Variants in INPP5D observed in about 807,000 individuals in gnomAD.
The protein encoded by INPP5D is inositol polyphosphate-5-phosphatase D, also known as phosphatidylinositol 3,4,5-trisphosphate 5-phosphatase 1.
INPP5D carries 33 observed loss-of-function variants against 122.9 expected under a neutral mutation model. That is an observed-to-expected ratio of 0.27 (90% CI 0.20 to 0.36). INPP5D has a LOEUF of 0.36. Among genes scored for constraint, INPP5D ranks in the 10% least tolerant of loss-of-function variants. INPP5D has a pLI of 1.00. For missense variants in INPP5D, 1,053 were observed against 1,412.7 expected (o/e 0.75, Z 4.08); for synonymous variants, 584 against 576.2 (o/e 1.01, Z -0.19).
chr2:233,152,421 C>G (rs986091240), intron 9 of INPP5D, among the ~76,000 whole-genome samples: 2 of 152,132 alleles, frequency 1.3e-5, no homozygotes, highest in Non-Finnish European at 2.9e-5. Context: ...TATGCAGGTA[C>G]CAGGCTTTGG....
chr2:233,062,003 C>T (rs1158407237), intron 1 of INPP5D, among the ~76,000 whole-genome samples: 4 of 152,258 alleles, frequency 2.6e-5, no homozygotes, highest in Non-Finnish European at 4.4e-5. Flanking sequence ...TTTCCTGTGT[C>T]CCCTCTCTCA....
intron 2 of INPP5D, among the ~76,000 whole-genome samples, chr2:233,087,294 G>A (rs1691878059): frequency 1.3e-5 from 2 of 151,972 alleles, no homozygotes; most frequent in South Asian, 4.1e-4. Flanking sequence ...TGTGGCACTT[G>A]TGACTACCTG....
At position 233,206,614 on chromosome 2, in the gene INPP5D, C is replaced by A. The variant is rs1270780103; in HGVS notation, c.3568-92C>A. The A allele has an allele frequency of 1.4e-6, 1 of 713,238 alleles. No homozygotes were observed. The highest frequency in any genetic ancestry group is 1.7e-5 in the African/African-American group (1 of 57,352). 44.2% of individuals were successfully genotyped at this position (713,238 alleles called of 1,614,324 possible). The stretch of plus-strand genomic sequence containing the variant: ...CAGCTACACGTTAAAGGAAGCCTGG[C>A]CTAGCCCACAGCATGCAGGGACCTG... On this transcript the variant is annotated intron_variant, in intron 26 of 26. Coordinates refer to ENST00000445964, the MANE Select transcript of INPP5D (RefSeq NM_001017915.3). This position sits in a 1 kb window ranked among gnomAD's most constrained non-coding sequence, Gnocchi z 4.0.
intron 5 of INPP5D, among the ~76,000 whole-genome samples, chr2:233,138,827 G>C (rs1693566923): frequency 6.6e-6 from 1 of 151,874 alleles, no homozygotes; most frequent in African/African-American, 2.4e-5. Flanking sequence ...CTCACTGCAA[G>C]CTCTGTCTCC....
intron 5 of INPP5D, among the ~76,000 whole-genome samples, chr2:233,136,062 G>A (rs1693457000): frequency 6.6e-6 from 1 of 152,164 alleles, no homozygotes; most frequent in South Asian, 2.1e-4. Flanking sequence ...TAATACATGG[G>A]GTAGGTGTGG....
At chr2:233,095,494 G>A in intron 2 of INPP5D, among the ~76,000 whole-genome samples, 1 of 151,836 alleles carries the variant, frequency 6.6e-6, no homozygotes, top group East Asian at 1.9e-4. Flanking sequence ...GTGGTGGTGG[G>A]CACCTGTAAT....
intron 2 of INPP5D, among the ~76,000 whole-genome samples, chr2:233,103,640 C>A (rs1692379154): frequency 6.6e-6 from 1 of 151,938 alleles, no homozygotes; most frequent in Admixed American, 6.6e-5. Context: ...CCTTCTGTAT[C>A]CTGGCTGCCT....
chr2:233,065,866 C>A (rs569587978), intron 1 of INPP5D, among the ~76,000 whole-genome samples: 60 of 151,732 alleles, frequency 4.0e-4, no homozygotes, highest in African/African-American at 1.3e-3. Context: ...AGGCTGGTCT[C>A]AAACTCCTGA....
Position 233,184,484 on chromosome 2 carries a change from C to G in INPP5D, c.2238C>G (p.Thr746=). ...CYATLKTKSQ[T]KFYLEFHSSC... is the part of the protein sequence containing the mutation. ...CCACATTGAAGACCAAGTCCCAGAC[C>G]AAATTCTACCTGGAGTTCCACTCGA... Residue 746 remains threonine (T), a synonymous_variant, in exon 20 of 27, where the codon ACC becomes ACG. Coordinates refer to ENST00000445964, the MANE Select transcript of INPP5D (RefSeq NM_001017915.3). The G allele has an allele frequency of 6.2e-7, 1 of 1,614,022 alleles. No individual in the cohort carries two copies. The highest frequency in any genetic ancestry group is 8.5e-7 in the Non-Finnish European group (1 of 1,179,896).
chr2:233,070,332 A>G (rs780699208), intron 1 of INPP5D, among the ~76,000 whole-genome samples: 2 of 151,952 alleles, frequency 1.3e-5, no homozygotes, highest in Non-Finnish European at 2.9e-5. Flanking sequence ...TCGCTTTTCA[A>G]TGCAGAGAAT....
chr2:233,090,555 A>G (rs755534946), intron 2 of INPP5D, among the ~76,000 whole-genome samples: 5 of 152,218 alleles, frequency 3.3e-5, no homozygotes, highest in Non-Finnish European at 5.9e-5. Context: ...ATATGCTATG[A>G]AGACCCTAAA....
chr2:233,065,010 C>T (rs4075306), intron 1 of INPP5D, among the ~76,000 whole-genome samples: 1 of 152,088 alleles, frequency 6.6e-6, no homozygotes, highest in African/African-American at 2.4e-5. Context: ...ACCAGAAAGC[C>T]GGCCAAGGGG....
chr2:233,081,137 T>G (rs945309876), intron 2 of INPP5D, among the ~76,000 whole-genome samples: 1 of 152,220 alleles, frequency 6.6e-6, no homozygotes, highest in Non-Finnish European at 1.5e-5. Flanking sequence ...GCACACCTAG[T>G]ACGAGAAGGT....
Position 233,122,200 on chromosome 2 carries a change from C to T in INPP5D, c.292C>T (p.Gln98Ter). 6.2e-7 allele frequency: 1 copy of T among 1,613,946 alleles called. No homozygotes were observed. The highest frequency in any genetic ancestry group is 8.5e-7 in the Non-Finnish European group (1 of 1,179,872). The part of the protein sequence containing the change: ...KENMGLVTHL[Q>*]YPVPLEEEDT... ...AAACATGGGGCTGGTGACCCATCTG[C>T]AATACCCTGTGCCGCTGGAGGAAGA... The change falls in exon 3 of 27, where the codon CAA becomes TAA. Residue 98 changes from glutamine to a stop codon, truncating the protein, a stop_gained. Transcript: ENST00000445964. LOFTEE classifies it high-confidence loss of function.
intron 9 of INPP5D, among the ~76,000 whole-genome samples, chr2:233,151,309 A>G (rs966278386): frequency 5.3e-5 from 6 of 112,508 alleles, no homozygotes; most frequent in African/African-American, 2.3e-4. Context: ...TCCATCTCTA[A>G]AAATTAATAA....
At chr2:233,134,308 G>A (rs1029088795) in intron 5 of INPP5D, 1 of 287,120 alleles carries the variant, frequency 3.5e-6, no homozygotes, top group Non-Finnish European at 7.0e-6. Flanking sequence ...GGATGCATAT[G>A]GGGAATCACT....
At chr2:233,073,674 C>CAAA in intron 1 of INPP5D, among the ~76,000 whole-genome samples, 1 of 144,216 alleles carries the variant, frequency 6.9e-6, no homozygotes, top group Non-Finnish European at 1.5e-5. Flanking sequence ...AAATCTCTGT[C>CAAA]TTTTCAGGAA....
At chr2:233,205,443 C>T (rs546549998) in intron 26 of INPP5D, 3 of 150,162 alleles carry the variant, frequency 2.0e-5, no homozygotes, top group South Asian at 4.2e-4. Flanking sequence ...CTCACTGCAA[C>T]CTGCGCCTCC....
intron 17 of INPP5D, among the ~76,000 whole-genome samples, chr2:233,172,956 C>T (rs1325914320): frequency 6.6e-6 from 1 of 152,178 alleles, no homozygotes; most frequent in Admixed American, 6.5e-5. Flanking sequence ...TGCCTATAAT[C>T]CCAGCACTTT....
Sources: allele counts gnomAD v4.1 joint callset (sites outside exome capture counted in the v4.1 genomes callset), GRCh38; gene constraint gnomAD v4.1.1; non-coding constraint Gnocchi (gnomAD v3.1); transcripts MANE v1.5; gene names NCBI Gene and HGNC (gene_info 2026-07-23, HGNC 2026-07-21).